DMRTA1: variants seen among roughly 807,000 people sequenced by gnomAD.
The protein encoded by DMRTA1 is DMRT like family A1, also known as doublesex- and mab-3-related transcription factor A1.
In DMRTA1, 34 loss-of-function variants were observed where a neutral mutation model predicts 35.2. That is an observed-to-expected ratio of 0.97 (90% CI 0.74 to 1.29). DMRTA1 has a LOEUF of 1.29. DMRTA1 is among the 50% of genes most tolerant of loss of function. DMRTA1 has a pLI of 0.00. For missense variants in DMRTA1, 824 were observed against 644.6 expected (o/e 1.28, Z -3.01); for synonymous variants, 344 against 276.6 (o/e 1.24, Z -2.42).
chr9:22,449,696 A>G (rs558645238), intron 1 of DMRTA1, among the ~76,000 whole-genome samples: 13 of 152,272 alleles, frequency 8.5e-5, no homozygotes, highest in Middle Eastern at 6.8e-3. Flanking sequence ...AAAATCCTAT[A>G]GAGTGTTTGC....
rs1480455928 is a variant in DMRTA1 at position 22,451,159 on chromosome 9, A to T, written c.763A>T (p.Asn255Tyr). The T allele has an allele frequency of 1.2e-6, 2 of 1,613,976 alleles. No individual in the cohort carries two copies. Among genetic ancestry groups the T allele is most frequent in the African/African-American group, 1.3e-5 (1 of 74,912 alleles). Reference sequence around the variant, plus strand: ...TTACCTAGGATCATCTTCTAGGTCTAATGGTGTCATTGGGAAACAAAGTAT... The same window carrying T: ...TTACCTAGGATCATCTTCTAGGTCTTATGGTGTCATTGGGAAACAAAGTAT... ...QLYLGSSSRS[N>Y]GVIGKQSIGS... The change falls in exon 2 of 2, where the codon AAT becomes TAT. Residue 255 changes from asparagine (N) to tyrosine (Y), a missense_variant. Physicochemically the swap from Asn to Tyr is moderately radical, Grantham distance 143. Coordinates refer to ENST00000325870, the MANE Select transcript of DMRTA1 (RefSeq NM_022160.3).
chr9:22,454,562 C>G lies in DMRTA1; in HGVS notation c.*2651C>G, dbSNP rs1818977713. The G allele has an allele frequency of 6.6e-6, 1 of 152,116 alleles. No individual in the cohort carries two copies. Among genetic ancestry groups the G allele is most frequent in the Admixed American group, 6.6e-5 (1 of 15,262 alleles). 9.4% of individuals were successfully genotyped at this position (152,116 alleles called of 1,614,324 possible). ...ATCAACCAATGTTGGTATTATTTGACAGTGTTGGTACATCAATGAGTTCTT... is the reference window on the plus strand; with the variant it reads ...ATCAACCAATGTTGGTATTATTTGAGAGTGTTGGTACATCAATGAGTTCTT... On this transcript the variant is annotated 3_prime_UTR_variant, in exon 2 of 2. Transcript: ENST00000325870.
chr9:22,449,357 A>G (rs1818889290), intron 1 of DMRTA1, among the ~76,000 whole-genome samples: 1 of 152,214 alleles, frequency 6.6e-6, no homozygotes, highest in Admixed American at 6.5e-5. Context: ...ATATACAATG[A>G]TAAATGCAAT....
chr9:22,452,220 G>C lies in DMRTA1; in HGVS notation c.*309G>C. Reference sequence around the variant, plus strand: ...TGTAAACATTTTTATTTTAAAACTAGTTTTTATTTTATTGAAAAGTGGAAT... The same window carrying C: ...TGTAAACATTTTTATTTTAAAACTACTTTTTATTTTATTGAAAAGTGGAAT... On this transcript the variant is annotated 3_prime_UTR_variant, in exon 2 of 2. Transcript: ENST00000325870. 5.1e-6 allele frequency: 1 copy of C among 196,068 alleles called. No individual in the cohort carries two copies. The highest frequency in any genetic ancestry group is 1.0e-5 in the Non-Finnish European group (1 of 95,840). The allele number at this position is 196,068 out of a possible 1,614,324, so 12.1% of individuals were successfully genotyped here. A position where few individuals can be genotyped will look rare whatever the true frequency, so the allele number is the denominator to read the frequency against.
In DMRTA1 at chr9:22,451,621, T is replaced by G; in HGVS notation, c.1225T>G (p.Phe409Val). ...TGGAACTCTAGGTAATAAATCAGCT[T>G]TCTCTCCTCTTCAAACTACTTCTGC... ...GFGTLGNKSA[F>V]SPLQTTSASY... Residue 409 changes from phenylalanine (F) to valine (V), a missense_variant, in exon 2 of 2, where the codon TTC (phenylalanine) becomes GTC (valine). Physicochemically the swap from Phe to Val is conservative, Grantham distance 50. Transcript: ENST00000325870. The G allele has an allele frequency of 6.2e-7, 1 of 1,614,118 alleles. No individual in the cohort carries two copies. Among genetic ancestry groups the G allele is most frequent in the Non-Finnish European group, 8.5e-7 (1 of 1,179,948 alleles).
chr9:22,455,461 C>T lies in DMRTA1; in HGVS notation c.*3550C>T, dbSNP rs1818990672. Reference sequence around the variant, plus strand: ...TACAGTAATGCTTATATACGGGATGCTAAATAAATAACTCTCACTGTTATT... The same window carrying T: ...TACAGTAATGCTTATATACGGGATGTTAAATAAATAACTCTCACTGTTATT... On this transcript the variant is annotated 3_prime_UTR_variant, in exon 2 of 2. Transcript: ENST00000325870. The T allele has an allele frequency of 6.6e-6, 1 of 152,140 alleles. No homozygotes were observed. The highest frequency in any genetic ancestry group is 1.5e-5 in the Non-Finnish European group (1 of 68,020). The allele number at this position is 152,140 out of a possible 1,614,324, so 9.4% of individuals were successfully genotyped here.
chr9:22,450,960 TAGG>T, intron 1 of DMRTA1, 101 bp from the exon 2 acceptor site: 1 of 1,153,942 alleles, frequency 8.7e-7, no homozygotes, highest in Non-Finnish European at 1.2e-6. Flanking sequence ...TACTAATTAA[TAGG>T]AGTGAATTAA....
intron 1 of DMRTA1, among the ~76,000 whole-genome samples, chr9:22,448,957 A>G (rs929212506): frequency 2.0e-5 from 3 of 152,244 alleles, no homozygotes; most frequent in African/African-American, 7.2e-5. Context: ...GCTATGAAAG[A>G]GAAGTAAAAG....
Position 22,447,360 on chromosome 9 carries a change from C to G in DMRTA1, c.295C>G (p.Arg99Gly). Residue 99 changes from arginine (R) to glycine (G), a missense_variant, in exon 1 of 2, where the codon CGC becomes GGC. Arg to Gly is a moderately radical substitution (Grantham distance 125). Transcript: ENST00000325870. ...CGYPRTPKCA[R>G]CRNHGVVSAL... The stretch of plus-strand genomic sequence containing the variant: ...CTACCCGCGGACGCCCAAGTGCGCC[C>G]GCTGTCGTAACCATGGTGTGGTGTC... 6.5e-7 allele frequency: 1 copy of G among 1,538,218 alleles called. No homozygotes were observed. The highest frequency in any genetic ancestry group is 8.7e-7 in the Non-Finnish European group (1 of 1,146,564).
rs1247610267 is a variant in DMRTA1 at position 22,454,395 on chromosome 9, CTTCA to C, written c.*2489_*2492del. The C allele has an allele frequency of 2.0e-5, 3 of 152,172 alleles. No homozygotes were observed. Among genetic ancestry groups the C allele is most frequent in the African/African-American group, 7.2e-5 (3 of 41,540 alleles). The allele number at this position is 152,172 out of a possible 1,614,324, so 9.4% of individuals were successfully genotyped here. A position where few individuals can be genotyped will look rare whatever the true frequency, so the allele number is the denominator to read the frequency against. Reference sequence around the variant, plus strand: ...AAAGCAAGTATTAGCTTAATAATTTCTTCATTCAACACCTATTTAATATTTTTAA... The same window carrying C: ...AAAGCAAGTATTAGCTTAATAATTTCTTCAACACCTATTTAATATTTTTAA... On this transcript the variant is annotated 3_prime_UTR_variant, in exon 2 of 2. Coordinates refer to ENST00000325870, the MANE Select transcript of DMRTA1 (RefSeq NM_022160.3).
Position 22,451,677 on chromosome 9 carries a change from C to T in DMRTA1, c.1281C>T (p.Gly427=), listed in dbSNP as rs775046447. ...ASYGGDSSLY[G]VNPRVGISPL... ...ATGGAGGTGATTCAAGTCTCTACGG[C>T]GTAAATCCTAGAGTAGGTATCAGTC... Residue 427 remains glycine, a synonymous_variant, in exon 2 of 2, where the codon GGC becomes GGT. Coordinates refer to ENST00000325870, the MANE Select transcript of DMRTA1 (RefSeq NM_022160.3). 48 of 1,613,930 alleles carry T rather than the reference C, an allele frequency of 3.0e-5. No homozygotes were observed. The Admixed American group carries it at 3.5e-4, about 12-fold the overall frequency.
rs1404688399 is a variant in DMRTA1, at chr9:22,453,045, AT to A, written c.*1137del. On this transcript the variant is annotated 3_prime_UTR_variant, in exon 2 of 2. Transcript: ENST00000325870. The stretch of plus-strand genomic sequence containing the variant: ...CCTCCCTCTGGCGCATTTGAAAACT[AT>A]TTATTTCAGTCAGTGGAAAGTCCCT... 1.3e-5 allele frequency: 2 copies of A among 152,046 alleles called. No individual in the cohort carries two copies. Among genetic ancestry groups the A allele is most frequent in the Non-Finnish European group, 2.9e-5 (2 of 67,970 alleles). 9.4% of individuals were successfully genotyped at this position (152,046 alleles called of 1,614,324 possible). A position where few individuals can be genotyped will look rare whatever the true frequency, so the allele number is the denominator to read the frequency against.
rs776896935 is a variant in DMRTA1 at position 22,451,980 on chromosome 9, C to G, written c.*69C>G. The G allele has an allele frequency of 2.1e-5, 33 of 1,545,098 alleles. No individual in the cohort carries two copies. The highest frequency in any genetic ancestry group is 2.8e-5 in the Non-Finnish European group (32 of 1,138,912). ...ATACATGCACGTGCACACACATACACACACATCCATTAATATACTTCAGTA... is the reference window on the plus strand; with the variant it reads ...ATACATGCACGTGCACACACATACAGACACATCCATTAATATACTTCAGTA... On this transcript the variant is annotated 3_prime_UTR_variant, in exon 2 of 2. Transcript: ENST00000325870.
At position 22,447,332 on chromosome 9, in the gene DMRTA1, C is replaced by A; in HGVS notation, c.267C>A (p.Cys89Ter). 6.5e-7 allele frequency: 1 copy of A among 1,530,298 alleles called. No homozygotes were observed. The highest frequency in any genetic ancestry group is 1.2e-5 in the South Asian group (1 of 82,482). 94.8% of individuals were successfully genotyped at this position (1,530,298 alleles called of 1,614,324 possible). ...AGAGCGGGGTAGGCGCGGTGGGCTG[C>A]GGCTACCCGCGGACGCCCAAGTGCG... The part of the protein sequence containing the change: ...GLESGVGAVG[C>*]GYPRTPKCAR... The change falls in exon 1 of 2, where the codon TGC becomes TGA. Residue 89 changes from cysteine (C) to a stop codon, truncating the protein, a stop_gained. Coordinates refer to ENST00000325870, the MANE Select transcript of DMRTA1 (RefSeq NM_022160.3). LOFTEE classifies it high-confidence loss of function.
intron 1 of DMRTA1, 102 bp from the exon 2 acceptor site, chr9:22,450,962 G>A: frequency 3.5e-6 from 4 of 1,135,756 alleles, no homozygotes; most frequent in Non-Finnish European, 4.9e-6. Flanking sequence ...CTAATTAATA[G>A]GAGTGAATTA....
rs1339284294 is a variant in DMRTA1 at position 22,454,724 on chromosome 9, T to A, written c.*2813T>A. 6.6e-6 allele frequency: 1 copy of A among 152,134 alleles called. No individual in the cohort carries two copies. Among genetic ancestry groups the A allele is most frequent in the Non-Finnish European group, 1.5e-5 (1 of 68,014 alleles). 9.4% of individuals were successfully genotyped at this position (152,134 alleles called of 1,614,324 possible). On this transcript the variant is annotated 3_prime_UTR_variant, in exon 2 of 2. Transcript: ENST00000325870. The stretch of plus-strand genomic sequence containing the variant: ...AAAAATGAATTGGGTTTATTCTGTA[T>A]CATATAGAGGGCCTAAGAGGCAAAC...
intron 1 of DMRTA1, among the ~76,000 whole-genome samples, chr9:22,449,451 A>G (rs117936971): frequency 0.016 from 2,363 of 152,324 alleles, 23 homozygotes; most frequent in Middle Eastern, 0.027. Context: ...TATTTTCTAA[A>G]TAATCTTATG....
rs2117961103 is a variant in DMRTA1, at chr9:22,451,397, C to T, written c.1001C>T (p.Thr334Ile). The change falls in exon 2 of 2, where the codon ACT (threonine) becomes ATT (isoleucine). Residue 334 changes from threonine to isoleucine, a missense_variant. By Grantham distance (89) the Thr-to-Ile change is moderately conservative. Coordinates refer to ENST00000325870, the MANE Select transcript of DMRTA1 (RefSeq NM_022160.3). ...CCAAGAGATCCTCTTGATATCCTTA[C>T]TAAGATTTTCCCAAATTACAGGCGC... ...SRPRDPLDIL[T>I]KIFPNYRRSR... 1 of 1,614,132 alleles carries T rather than the reference C, an allele frequency of 6.2e-7. No individual in the cohort carries two copies. Among genetic ancestry groups the T allele is most frequent in the Non-Finnish European group, 8.5e-7 (1 of 1,179,986 alleles).
chr9:22,450,624 C>T (rs1293168519), intron 1 of DMRTA1, among the ~76,000 whole-genome samples: 4 of 151,812 alleles, frequency 2.6e-5, no homozygotes, highest in Non-Finnish European at 5.9e-5. Flanking sequence ...CCTTTTATTC[C>T]TTATTCATTT....
Sources: gnomAD v4.1 joint callset for allele counts (sites outside exome capture counted in the v4.1 genomes callset) on GRCh38, gnomAD v4.1.1 for gene constraint, MANE v1.5 for transcripts, NCBI Gene and HGNC (gene_info 2026-07-23, HGNC 2026-07-21) for gene names.